Variants in EIF4G3 observed in about 807,000 individuals in gnomAD.
The protein encoded by EIF4G3 is eukaryotic translation initiation factor 4 gamma 3, also known as eIF-4-gamma 3.
EIF4G3 carries 34 observed loss-of-function variants against 186.4 expected under a neutral mutation model. The observed-to-expected ratio is 0.18, with a 90% CI of 0.14 to 0.24. EIF4G3 has a LOEUF of 0.24. Ranked by LOEUF, EIF4G3 falls within the 10% of genes least tolerant of loss-of-function variation. EIF4G3 has a pLI of 1.00. For synonymous variants in EIF4G3, 673 were observed against 679.5 expected, an observed-to-expected ratio of 0.99 and a Z score of 0.15; for missense variants, 1,536 against 1,948.5, an observed-to-expected ratio of 0.79 and a Z score of 3.99.
At chr1:21,117,194 G>T (rs2096839755) in intron 2 of EIF4G3, among the ~76,000 whole-genome samples, 1 of 151,990 alleles carries the variant, frequency 6.6e-6, no homozygotes. Flanking sequence ...AGGCATTTTT[G>T]AATTATCCAC....
intron 19 of EIF4G3, among the ~76,000 whole-genome samples, chr1:20,880,829 G>A (rs2082105834): frequency 6.6e-6 from 1 of 152,082 alleles, no homozygotes. Context: ...AATAAATGAA[G>A]ATATATATCA....
intron 13 of EIF4G3, among the ~76,000 whole-genome samples, chr1:20,947,769 C>T (rs1043956693): frequency 6.6e-6 from 1 of 152,112 alleles, no homozygotes; most frequent in African/African-American, 2.4e-5. Flanking sequence ...ATCAAGGTAA[C>T]CTGAATACTT....
At chr1:21,040,625 T>C (rs1376925151) in intron 4 of EIF4G3, among the ~76,000 whole-genome samples, 1 of 152,224 alleles carries the variant, frequency 6.6e-6, no homozygotes. Context: ...TGCATATTCC[T>C]AGATTTTGGT....
chr1:21,080,712 G>A (rs1363694221), intron 3 of EIF4G3, among the ~76,000 whole-genome samples: 3 of 152,084 alleles, frequency 2.0e-5, no homozygotes, highest in Non-Finnish European at 4.4e-5. Context: ...GTTTCACCAT[G>A]TTGGTCAGGC....
chr1:21,107,094 G>A (rs2096630910), intron 2 of EIF4G3, among the ~76,000 whole-genome samples: 1 of 152,144 alleles, frequency 6.6e-6, no homozygotes, highest in Non-Finnish European at 1.5e-5. Context: ...TATATTCAGA[G>A]CATCTAACAC....
chr1:20,900,845 T>C (rs3767247), intron 15 of EIF4G3, among the ~76,000 whole-genome samples: 48,056 of 152,030 alleles, frequency 0.32, 8,353 homozygotes, highest in Non-Finnish European at 0.39. Flanking sequence ...TAGTGTAAAG[T>C]AGTGTCATAT....
chr1:20,869,774 CAAAAAAA>C (rs35907806), intron 20 of EIF4G3, among the ~76,000 whole-genome samples: 54 of 48,640 alleles, frequency 1.1e-3, no homozygotes, highest in African/African-American at 1.7e-3. Context: ...GACTACGTCT[CAAAAAAA>C]AAAAAAAAAA....
intron 18 of EIF4G3, among the ~76,000 whole-genome samples, chr1:20,892,137 A>G (rs2086288793): frequency 6.6e-6 from 1 of 152,220 alleles, no homozygotes; most frequent in Non-Finnish European, 1.5e-5. Flanking sequence ...TCTTATTTCA[A>G]AGCAGGTTTC....
At chr1:20,808,836 T>C (rs1175284169) in intron 36 of EIF4G3, among the ~76,000 whole-genome samples, 3 of 152,212 alleles carry the variant, frequency 2.0e-5, no homozygotes, top group Admixed American at 6.5e-5. Context: ...ATAGTAAAAC[T>C]GAGAATTATA....
intron 2 of EIF4G3, among the ~76,000 whole-genome samples, chr1:21,154,093 T>A (rs1573448929): frequency 6.6e-6 from 1 of 152,300 alleles, no homozygotes; most frequent in East Asian, 1.9e-4. Flanking sequence ...TAAGTGCTTA[T>A]CCACCAAAAT....
intron 4 of EIF4G3, among the ~76,000 whole-genome samples, chr1:21,016,954 C>A (rs1051486819): frequency 6.6e-6 from 1 of 151,922 alleles, no homozygotes; most frequent in Non-Finnish European, 1.5e-5. Flanking sequence ...GGTGACAGAG[C>A]GAGACTCTCA....
intron 2 of EIF4G3, among the ~76,000 whole-genome samples, chr1:21,156,917 A>G (rs2097671722): frequency 6.6e-6 from 1 of 152,072 alleles, no homozygotes; most frequent in African/African-American, 2.4e-5. Flanking sequence ...TCTACAAAAT[A>G]TCAACCTGGG....
At chr1:21,037,639 C>T (rs936012420) in intron 4 of EIF4G3, among the ~76,000 whole-genome samples, 1 of 152,200 alleles carries the variant, frequency 6.6e-6, no homozygotes, top group Non-Finnish European at 1.5e-5. Flanking sequence ...AAAGCTGTAA[C>T]AGTCTGTTTT....
intron 34 of EIF4G3, 49 bp from the exon 35 acceptor site, chr1:20,813,288 GCA>G (rs1431230014): frequency 7.1e-7 from 1 of 1,408,284 alleles, no homozygotes; most frequent in Non-Finnish European, 1.0e-6. Flanking sequence ...GCTCAGCCAG[GCA>G]CAGAGGCTCA....
chr1:21,151,518 G>A (rs1429302812), intron 2 of EIF4G3, among the ~76,000 whole-genome samples: 5 of 151,816 alleles, frequency 3.3e-5, no homozygotes, highest in African/African-American at 7.3e-5. Context: ...GATTACAGGC[G>A]TGAGCCACCA....
intron 29 of EIF4G3, chr1:20,847,826 A>G: frequency 2.1e-6 from 1 of 471,812 alleles, no homozygotes; most frequent in Non-Finnish European, 4.4e-6. Context: ...CTCATCATCA[A>G]AAACTTCCTT....
intron 20 of EIF4G3, among the ~76,000 whole-genome samples, chr1:20,869,625 A>G (rs571625617): frequency 6.6e-6 from 1 of 152,122 alleles, no homozygotes; most frequent in Non-Finnish European, 1.5e-5. Flanking sequence ...AATACAAAAA[A>G]TTAGCTGGGC....
chr1:20,817,660 A>T, intron 33 of EIF4G3, 122 bp from the exon 34 acceptor site: 1 of 482,822 alleles, frequency 2.1e-6, no homozygotes, highest in Non-Finnish European at 3.2e-6. Context: ...AATGATCAGC[A>T]GAGGCTATTT....
In EIF4G3 at chr1:20,904,981, A is replaced by G. The variant is rs757710647; in HGVS notation, c.1664-10T>C. 6 of 1,607,654 alleles carry G rather than the reference A, an allele frequency of 3.7e-6. No individual in the cohort carries two copies. The East Asian group carries it at 1.3e-4, about 36-fold the overall frequency. On this transcript the variant is annotated splice_polypyrimidine_tract_variant and intron_variant, in intron 14 of 36. Transcript: ENST00000602326. Reference sequence around the variant, plus strand: ...GTTATAGCTATTTGAGCTGAAATACAAGATCAGGCCCATTACTTGCCACTG... The same window carrying G: ...GTTATAGCTATTTGAGCTGAAATACGAGATCAGGCCCATTACTTGCCACTG...
Sources: gnomAD v4.1 joint callset for allele counts (sites outside exome capture counted in the v4.1 genomes callset) on GRCh38, gnomAD v4.1.1 for gene constraint, MANE v1.5 for transcripts, NCBI Gene and HGNC (gene_info 2026-07-23, HGNC 2026-07-21) for gene names.